The following FAM83C variants were observed in gnomAD, a reference collection of about 807,000 sequenced individuals.
FAM83C encodes the protein scaffolding CK1 anchoring protein C.
In FAM83C, 23 loss-of-function variants were observed where a neutral mutation model predicts 27.1. That is an observed-to-expected ratio of 0.85 (90% CI 0.61 to 1.20). FAM83C has a LOEUF of 1.20. FAM83C is among the 50% of genes most tolerant of loss of function. The pLI is 0.00. For synonymous variants in FAM83C, 426 were observed against 423.1 expected (o/e 1.01, Z -0.09); for missense variants, 984 against 1,001.3 (o/e 0.98, Z 0.23).
chr20:35,287,266 G>A lies in FAM83C; in HGVS notation c.1513C>T (p.Arg505Cys), dbSNP rs200392297. Residue 505 changes from arginine to cysteine, a missense_variant, in exon 4 of 4, where the codon CGT (arginine) becomes TGT (cysteine). Coordinates refer to ENST00000374408, the MANE Select transcript of FAM83C (RefSeq NM_178468.6). ...KEKKASPSQS[R>C]GQLDLLVPFP... ...GGGACAAGGAGATCCAGCTGGCCAC[G>A]GCTCTGACTTGGAGATGCCTTCTTC... The A allele has an allele frequency of 1.9e-5, 30 of 1,613,270 alleles. No individual in the cohort carries two copies. The highest frequency in any genetic ancestry group is 2.5e-5 in the Non-Finnish European group (29 of 1,180,028).
rs142333851 is a variant in FAM83C at position 35,291,388 on chromosome 20, G to A, written c.513+404C>T. 6.0e-3 allele frequency among the ~76,000 whole-genome samples: 910 copies of A among 152,358 alleles called. 5 individuals are homozygous for A. Among genetic ancestry groups the A allele is most frequent in the Non-Finnish European group, 7.7e-3 (527 of 68,038 alleles). On this transcript the variant is annotated intron_variant, in intron 1 of 3. Coordinates refer to ENST00000374408, the MANE Select transcript of FAM83C (RefSeq NM_178468.6). ...CTGGCCTCAGTTTCTTCTTCTATAA[G>A]TGAAGGAGGTGACTCAGATGTTCCC...
At position 35,287,428 on chromosome 20, in the gene FAM83C, G is replaced by T; in HGVS notation, c.1351C>A (p.Pro451Thr). 3 of 1,614,152 alleles carry T rather than the reference G, an allele frequency of 1.9e-6. No homozygotes were observed. Among genetic ancestry groups the T allele is most frequent in the Non-Finnish European group, 2.5e-6 (3 of 1,180,022 alleles). Residue 451 changes from proline (P) to threonine (T), a missense_variant, in exon 4 of 4, where the codon CCC (proline) becomes ACC (threonine). By Grantham distance (38) the Pro-to-Thr change is conservative. Coordinates refer to ENST00000374408, the MANE Select transcript of FAM83C (RefSeq NM_178468.6). ...GCACCCCGATGGAACTGGAGGAGGG[G>T]CCGGGAGCGAGGAAGCAGAGGTGAC... ...VGSPLLPRSR[P>T]LLQFHRGAPA...
Position 35,286,633 on chromosome 20 carries a change from C to G in FAM83C, c.2146G>C (p.Asp716His). 3.7e-6 allele frequency: 6 copies of G among 1,614,156 alleles called. No homozygotes were observed. The highest frequency in any genetic ancestry group is 5.1e-6 in the Non-Finnish European group (6 of 1,180,014). Residue 716 changes from aspartate (D) to histidine (H), a missense_variant, in exon 4 of 4, where the codon GAT (aspartate) becomes CAT (histidine). Asp to His is a moderately conservative substitution (Grantham distance 81, BLOSUM62 -1). Transcript: ENST00000374408. ...LNGGNSDLVR[D>H]EKRLTLGHSK... ...TGACCCAGGGTCAGCCGTTTCTCAT[C>G]CCTGACCAGGTCACTGTTACCACCA...
At position 35,288,436 on chromosome 20, in the gene FAM83C, C is replaced by G. The variant is rs368323525; in HGVS notation, c.806+25G>C. 110 of 1,613,114 alleles carry G rather than the reference C, an allele frequency of 6.8e-5. No individual in the cohort carries two copies. In the African/African-American group the frequency reaches 1.2e-3, roughly 18 times the overall value. The stretch of plus-strand genomic sequence containing the variant: ...CAGCCAGTGATGCAGCCCCAGGCCC[C>G]CCTTGCCTCCTCGTGCCTGCTCACC... On this transcript the variant is annotated intron_variant, in intron 3 of 3. Coordinates refer to ENST00000374408, the MANE Select transcript of FAM83C (RefSeq NM_178468.6).
chr20:35,291,672 C>T (rs1335655532), intron 1 of FAM83C, 120 bp downstream of exon 1: 2 of 1,330,260 alleles, frequency 1.5e-6, no homozygotes, highest in East Asian at 4.7e-5. Flanking sequence ...CTAATAGTGC[C>T]AGAGGTGCTG....
At chr20:35,289,804 A>G (rs941442288) in intron 1 of FAM83C, among the ~76,000 whole-genome samples, 6 of 152,096 alleles carry the variant, frequency 3.9e-5, no homozygotes, top group African/African-American at 1.4e-4. Context: ...GTTTGAAAGC[A>G]TTTGTGTGCA....
chr20:35,289,198 C>T (rs1348962931), intron 1 of FAM83C, among the ~76,000 whole-genome samples: 1 of 152,172 alleles, frequency 6.6e-6, no homozygotes, highest in Non-Finnish European at 1.5e-5. Flanking sequence ...GTGTCTGTCT[C>T]ACTCTGTTGC....
At chr20:35,288,739 C>T in intron 2 of FAM83C, 52 bp downstream of exon 2, 1 of 1,561,748 alleles carries the variant, frequency 6.4e-7, no homozygotes, top group Non-Finnish European at 8.7e-7. Flanking sequence ...CTCCCCTGCC[C>T]TCCCTGACTC....
Position 35,286,756 on chromosome 20 carries a change from G to A in FAM83C, c.2023C>T (p.Leu675=). Residue 675 remains leucine (L), a synonymous_variant, in exon 4 of 4, where the codon CTG becomes TTG. Coordinates refer to ENST00000374408, the MANE Select transcript of FAM83C (RefSeq NM_178468.6). The stretch of plus-strand genomic sequence containing the variant: ...ATGAGGTCCAGCTTGCTGTGGCCCA[G>A]GGTTAGCCGTTTCTCATCCCCAGAC... ...AGSGDEKRLT[L]GHSKLDLITK... is the part of the protein sequence containing the mutation. The A allele has an allele frequency of 6.2e-7, 1 of 1,614,228 alleles. No individual in the cohort carries two copies. Among genetic ancestry groups the A allele is most frequent in the Middle Eastern group, 1.7e-4 (1 of 6,058 alleles).
rs775523670 is a variant in FAM83C, at chr20:35,286,935, G to A, written c.1844C>T (p.Ser615Leu). 3 of 1,613,912 alleles carry A rather than the reference G, an allele frequency of 1.9e-6. No homozygotes were observed. Among genetic ancestry groups the A allele is most frequent in the African/African-American group, 2.7e-5 (2 of 74,950 alleles). The change falls in exon 4 of 4, where the codon TCA (serine) becomes TTA (leucine). Residue 615 changes from serine to leucine, a missense_variant. By Grantham distance (145) the Ser-to-Leu change is moderately radical (BLOSUM62 -2). Transcript: ENST00000374408. ...TGGTGCCCGTCTGGCAGGTCTGGCT[G>A]AGGAGTTGGTTTCAAGGGGCACTCT... ...GSRVPLETNS[S>L]ARPARRAPDE...
In FAM83C at chr20:35,287,643, G is replaced by A. The variant is rs765267690; in HGVS notation, c.1136C>T (p.Ser379Leu). ...CTCACGGCGGGCAGGACCCAGGGACGAGGACACCACACCCGTATCACTGCA... is the reference window on the plus strand; with the variant it reads ...CTCACGGCGGGCAGGACCCAGGGACAAGGACACCACACCCGTATCACTGCA... Reference protein sequence around the residue: ...GDCSDTGVVSSSLGPARREAS... With the variant: ...GDCSDTGVVSLSLGPARREAS... Residue 379 changes from serine to leucine, a missense_variant, in exon 4 of 4, where the codon TCG becomes TTG. Ser to Leu is a moderately radical substitution (Grantham distance 145, BLOSUM62 -2). Coordinates refer to ENST00000374408, the MANE Select transcript of FAM83C (RefSeq NM_178468.6). 35 of 1,613,946 alleles carry A rather than the reference G, an allele frequency of 2.2e-5. No homozygotes were observed. Among genetic ancestry groups the A allele is most frequent in the East Asian group, 6.7e-5 (3 of 44,882 alleles).
rs2060821644 is a variant in FAM83C at position 35,285,998 on chromosome 20, C to T, written c.*537G>A. On this transcript the variant is annotated 3_prime_UTR_variant, in exon 4 of 4. Coordinates refer to ENST00000374408, the MANE Select transcript of FAM83C (RefSeq NM_178468.6). ...TCTTCCTCACTCATTCACCTCAGAC[C>T]CACTCAGTCCTCTTTAGGGCATCTC... 1 of 154,550 alleles carries T rather than the reference C, an allele frequency of 6.5e-6. No individual in the cohort carries two copies. Among genetic ancestry groups the T allele is most frequent in the South Asian group, 2.0e-4 (1 of 4,918 alleles). 9.6% of individuals were successfully genotyped at this position (154,550 alleles called of 1,614,324 possible).
At chr20:35,288,169 G>GCTGCCCTC (rs1555799116) in intron 3 of FAM83C, among the ~76,000 whole-genome samples, 197 bp from the exon 4 acceptor site, 1 of 72,434 alleles carries the variant, frequency 1.4e-5, no homozygotes, top group African/African-American at 1.9e-4. Context: ...TGACCTCATG[G>GCTGCCCTC]AGGCCCCAAC....
Position 35,287,869 on chromosome 20 carries a change from A to T in FAM83C, c.910T>A (p.Ser304Thr). ...CCACAGAAGCCCTCCACAGGCTGCGACTCAGCGTACAGACAGCGGAACTCC... is the reference window on the plus strand; with the variant it reads ...CCACAGAAGCCCTCCACAGGCTGCGTCTCAGCGTACAGACAGCGGAACTCC... ...DREFRCLYAE[S>T]QPVEGFCGGE... The change falls in exon 4 of 4, where the codon TCG (serine) becomes ACG (threonine). Residue 304 changes from serine to threonine, a missense_variant. Ser to Thr is a moderately conservative substitution (Grantham distance 58). Transcript: ENST00000374408. The T allele has an allele frequency of 6.4e-7, 1 of 1,563,448 alleles. No homozygotes were observed. The highest frequency in any genetic ancestry group is 1.7e-4 in the Middle Eastern group (1 of 6,010).
rs983958224 is a variant in FAM83C, at chr20:35,286,383, G to A, written c.*152C>T. ...TGTGTGTGTGTGTGTGTGTGTGTGT[G>A]TGTACACAAGAATCTTGAGCCCAGA... On this transcript the variant is annotated 3_prime_UTR_variant, in exon 4 of 4. Coordinates refer to ENST00000374408, the MANE Select transcript of FAM83C (RefSeq NM_178468.6). 160 of 608,228 alleles carry A rather than the reference G, an allele frequency of 2.6e-4. No individual in the cohort carries two copies. Among genetic ancestry groups the A allele is most frequent in the African/African-American group, 2.3e-3 (123 of 52,544 alleles). 37.7% of individuals were successfully genotyped at this position (608,228 alleles called of 1,614,324 possible). A position where few individuals can be genotyped will look rare whatever the true frequency, so the allele number is the denominator to read the frequency against.
At position 35,292,049 on chromosome 20, in the gene FAM83C, G is replaced by T. The variant is rs375557298; in HGVS notation, c.256C>A (p.Arg86Ser). 1.2e-6 allele frequency: 2 copies of T among 1,612,300 alleles called. No individual in the cohort carries two copies. Residue 86 changes from arginine to serine, a missense_variant, in exon 1 of 4, where the codon CGC (arginine) becomes AGC (serine). Coordinates refer to ENST00000374408, the MANE Select transcript of FAM83C (RefSeq NM_178468.6). The part of the protein sequence containing the change: ...LDVDYMTSHV[R>S]GGPELSEAQG... ...GCCTCGCTGAGCTCAGGGCCCCCGC[G>T]CACATGGCTGGTCATGTAGTCCACA...
chr20:35,288,170 AGG>A (rs2060835848), intron 3 of FAM83C, among the ~76,000 whole-genome samples, 198 bp from the exon 4 acceptor site: 1 of 72,374 alleles, frequency 1.4e-5, no homozygotes, highest in Non-Finnish European at 2.4e-5. Context: ...GACCTCATGG[AGG>A]CCCCAACTTC....
rs770445194 is a variant in FAM83C at position 35,288,872 on chromosome 20, C to T, written c.600G>A (p.Val200=). Reference sequence around the variant, plus strand: ...GGTGCTCCTGGGCAAGGAGCAGGTACACAGGGACACCACGCCGGCTTGAGG... The same window carrying T: ...GGTGCTCCTGGGCAAGGAGCAGGTATACAGGGACACCACGCCGGCTTGAGG... The part of the protein sequence containing the change: ...MEASSRRGVP[V]YLLLAQEHLR... The change falls in exon 2 of 4, where the codon GTG becomes GTA. Residue 200 remains valine (V), a synonymous_variant. Transcript: ENST00000374408. 11 of 1,614,176 alleles carry T rather than the reference C, an allele frequency of 6.8e-6. No individual in the cohort carries two copies. The South Asian group carries it at 1.1e-4, about 16-fold the overall frequency.
Position 35,291,982 on chromosome 20 carries a change from A to G in FAM83C, c.323T>C (p.Leu108Pro). The G allele has an allele frequency of 6.2e-7, 1 of 1,612,852 alleles. No individual in the cohort carries two copies. The highest frequency in any genetic ancestry group is 1.3e-5 in the African/African-American group (1 of 75,004). The stretch of plus-strand genomic sequence containing the variant: ...GTAAGTCCCTGAGGTGACTTCAGAG[A>G]GCAGGCTGAGGCGGTCTGGCCCGGA... Reference protein sequence around the residue: ...EASGPDRLSLLSEVTSGTYFP... With the variant: ...EASGPDRLSLPSEVTSGTYFP... The change falls in exon 1 of 4, where the codon CTC becomes CCC. Residue 108 changes from leucine (L) to proline (P), a missense_variant. By Grantham distance (98) the Leu-to-Pro change is moderately conservative (BLOSUM62 -3). Transcript: ENST00000374408.
Sources: allele counts gnomAD v4.1 joint callset (sites outside exome capture counted in the v4.1 genomes callset), GRCh38; gene constraint gnomAD v4.1.1; transcripts MANE v1.5; gene names NCBI Gene and HGNC (gene_info 2026-07-23, HGNC 2026-07-21).